The following PCDH15 variants were observed in gnomAD, a reference collection of about 807,000 sequenced individuals.
PCDH15 encodes the protein protocadherin related 15.
In PCDH15, 129 loss-of-function variants were observed where a neutral mutation model predicts 178.5. The observed-to-expected ratio is 0.72, with a 90% confidence interval of 0.63 to 0.84. PCDH15 has a LOEUF of 0.84. Among genes scored for constraint, PCDH15 ranks in the 40% least tolerant of loss-of-function variants. PCDH15 has a pLI of 0.00. For missense variants in PCDH15, 2,230 were observed against 2,099.9 expected, an observed-to-expected ratio of 1.06 and a Z score of -1.21; for synonymous variants, 800 against 732.0, an observed-to-expected ratio of 1.09 and a Z score of -1.50.
chr10:55,121,715 C>T (rs1837777391), intron 2 of PCDH15, among the ~76,000 whole-genome samples: 1 of 152,042 alleles, frequency 6.6e-6, no homozygotes, highest in South Asian at 2.1e-4. Flanking sequence ...CCAACTAGAT[C>T]CTTCTGCCCT....
At chr10:54,142,090 T>G (rs1303794813) in intron 14 of PCDH15, among the ~76,000 whole-genome samples, 1 of 152,214 alleles carries the variant, frequency 6.6e-6, no homozygotes, top group Non-Finnish European at 1.5e-5. Context: ...TTGATGCTTT[T>G]GGTCACAGTT....
In PCDH15 at chr10:54,851,816, G is replaced by A. The variant is rs377135227; in HGVS notation, c.-29+45634C>T. Among the ~76,000 whole-genome samples, 5 of 151,950 alleles carry A rather than the reference G, an allele frequency of 3.3e-5. No homozygotes were observed. The South Asian group carries it at 6.2e-4, about 19-fold the overall frequency. ...AACTTCTGACCTCAAGTGTTCTGCC[G>A]GCCTCAGCCTACCAAATTGCTGGGA... On this transcript the variant is annotated intron_variant, in intron 3 of 5. Coordinates refer to the PCDH15 transcript ENST00000458638.
chr10:53,892,530 GA>G (rs1263089511), intron 26 of PCDH15, among the ~76,000 whole-genome samples: 2 of 151,948 alleles, frequency 1.3e-5, no homozygotes, highest in African/African-American at 4.8e-5. Context: ...TTTGTGTGGA[GA>G]GGGGGAAGAA....
chr10:54,706,987 T>C (rs1294537023), intron 1 of PCDH15, among the ~76,000 whole-genome samples: 1 of 152,150 alleles, frequency 6.6e-6, no homozygotes, highest in Non-Finnish European at 1.5e-5. Context: ...ATAGAAGCAA[T>C]CTTCATGATG....
intron 3 of PCDH15, among the ~76,000 whole-genome samples, chr10:54,404,045 G>A (rs1419789765): frequency 2.0e-5 from 3 of 151,842 alleles, no homozygotes; most frequent in African/African-American, 7.3e-5. Flanking sequence ...AATATCCAAA[G>A]TAATTCATAG....
intron 3 of PCDH15, among the ~76,000 whole-genome samples, chr10:54,425,196 T>C (rs1343666695): frequency 6.6e-6 from 1 of 151,990 alleles, no homozygotes; most frequent in African/African-American, 2.4e-5. Flanking sequence ...TAGGATAATA[T>C]TGAGAAGTGG....
intron 2 of PCDH15, among the ~76,000 whole-genome samples, chr10:55,504,532 T>C (rs1306131692): frequency 6.6e-6 from 1 of 151,294 alleles, no homozygotes; most frequent in Admixed American, 6.6e-5. Flanking sequence ...TAACTGACTA[T>C]GTGACTTTAG....
At chr10:54,100,393 ATTAAT>A (rs1362030898) in intron 15 of PCDH15, among the ~76,000 whole-genome samples, 3 of 152,094 alleles carry the variant, frequency 2.0e-5, no homozygotes, top group Non-Finnish European at 4.4e-5. Flanking sequence ...TGCTCAATAA[ATTAAT>A]TTAATAGTTA....
chr10:54,153,122 T>C lies in PCDH15; in HGVS notation c.1762A>G (p.Asn588Asp), dbSNP rs143897176. The change falls in exon 14 of 38, where the codon AAT becomes GAT. Residue 588 changes from asparagine (N) to aspartate (D), a missense_variant. Transcript: ENST00000644397. ...TYALTVQAAD[N>D]APPAERRNSI... ...TACCTTCGCTCTGCAGGAGGAGCATTATCCGCTGCTTGGACCGTGAGTGCG... is the reference window on the plus strand; with the variant it reads ...TACCTTCGCTCTGCAGGAGGAGCATCATCCGCTGCTTGGACCGTGAGTGCG... 81 of 1,613,870 alleles carry C rather than the reference T, an allele frequency of 5.0e-5. No individual in the cohort carries two copies. In the African/African-American group the frequency reaches 9.3e-4, roughly 19 times the overall value.
intron 3 of PCDH15, among the ~76,000 whole-genome samples, chr10:54,408,784 A>G (rs1953046588): frequency 6.6e-6 from 1 of 152,152 alleles, no homozygotes; most frequent in South Asian, 2.1e-4. Context: ...CACTTTTTGC[A>G]GTTACAAATC....
chr10:54,922,162 A>T (rs189108401), intron 2 of PCDH15, among the ~76,000 whole-genome samples: 10 of 152,164 alleles, frequency 6.6e-5, no homozygotes, highest in Admixed American at 2.6e-4. Context: ...TGTCCTTCTC[A>T]TTTTTAAATC....
intron 6 of PCDH15, among the ~76,000 whole-genome samples, chr10:54,335,572 T>C (rs530786507): frequency 5.3e-5 from 8 of 152,332 alleles, no homozygotes; most frequent in Non-Finnish European, 7.4e-5. Context: ...TCATGAGATC[T>C]GATGCTTTTA....
intron 2 of PCDH15, among the ~76,000 whole-genome samples, chr10:55,027,875 C>T (rs967537672): frequency 1.3e-5 from 2 of 151,748 alleles, no homozygotes; most frequent in African/African-American, 4.8e-5. Flanking sequence ...ATTCATTCAG[C>T]AAATAATTAT....
intron 1 of PCDH15, among the ~76,000 whole-genome samples, chr10:54,669,578 G>A (rs1048651716): frequency 5.3e-5 from 8 of 149,642 alleles, no homozygotes; most frequent in Non-Finnish European, 7.4e-5. Context: ...AAGGGGTTCC[G>A]TTGTAGCTAA....
intron 1 of PCDH15, among the ~76,000 whole-genome samples, chr10:54,685,424 T>C (rs2094978795): frequency 6.6e-6 from 1 of 152,150 alleles, no homozygotes; most frequent in South Asian, 2.1e-4. Flanking sequence ...GCACAGTAGG[T>C]TTGTTTATAC....
intron 2 of PCDH15, among the ~76,000 whole-genome samples, chr10:55,078,835 T>C (rs552580168): frequency 1.3e-5 from 2 of 152,172 alleles, no homozygotes; most frequent in South Asian, 4.1e-4. Context: ...CTTTGTGTTC[T>C]CATAGCTTAG....
chr10:54,548,582 T>G (rs1329089916), intron 2 of PCDH15, among the ~76,000 whole-genome samples: 1 of 142,806 alleles, frequency 7.0e-6, no homozygotes, highest in Non-Finnish European at 1.5e-5. Flanking sequence ...TAATATATAT[T>G]ATTGTATATA....
intron 2 of PCDH15, among the ~76,000 whole-genome samples, chr10:55,498,287 A>ACCTAGAT (rs1223997644): frequency 2.0e-5 from 3 of 151,910 alleles, no homozygotes; most frequent in Admixed American, 6.6e-5. Flanking sequence ...TGATACTTGA[A>ACCTAGAT]CCTAGATAGC....
At chr10:55,486,207 C>T (rs942134830) in intron 2 of PCDH15, among the ~76,000 whole-genome samples, 9 of 151,546 alleles carry the variant, frequency 5.9e-5, no homozygotes, top group South Asian at 2.1e-4. Flanking sequence ...AATCACCAAA[C>T]GTGAGGGTGA....
Sources: gnomAD v4.1 joint callset for allele counts (sites outside exome capture counted in the v4.1 genomes callset) on GRCh38, gnomAD v4.1.1 for gene constraint, MANE v1.5 for transcripts, NCBI Gene and HGNC (gene_info 2026-07-23, HGNC 2026-07-21) for gene names.